Variants in EML1 observed in about 807,000 individuals in gnomAD.
EML1 encodes EMAP like 1, also known as echinoderm microtubule-associated protein-like 1.
Under a neutral mutation model 110.4 loss-of-function variants are expected in EML1, and 27 were observed. The ratio of observed to expected loss-of-function variants is 0.24; its 90% CI spans 0.18 to 0.34. The LOEUF (loss-of-function observed/expected upper bound fraction) is 0.34. Ranked by LOEUF, EML1 falls within the 10% of genes least tolerant of loss-of-function variation. The probability of loss-of-function intolerance (pLI) is 1.00; values close to 1 mark genes in which losing one functional copy is unlikely to be tolerated. For synonymous variants in EML1, 344 were observed against 385.8 expected, an observed-to-expected ratio of 0.89 and a Z score of 1.27; for missense variants, 741 against 1,030.9, an observed-to-expected ratio of 0.72 and a Z score of 3.85.
Position 99,784,873 on chromosome 14 carries a change from CA to C in EML1, c.-27+10862del, listed in dbSNP as rs1367391288. On this transcript the variant is annotated intron_variant, in intron 1 of 22. Coordinates refer to the EML1 transcript ENST00000327921. This position sits in a 1 kb window ranked among gnomAD's most constrained non-coding sequence, Gnocchi z 4.5. Reference sequence around the variant, plus strand: ...CACAGACTGAGTGGAAAGACATTTCCAACAGCAGGAATCTCACAACCAAAGC... The same window carrying C: ...CACAGACTGAGTGGAAAGACATTTCCACAGCAGGAATCTCACAACCAAAGC... Among the ~76,000 whole-genome samples, 1 of 152,192 alleles carries C rather than the reference CA, an allele frequency of 6.6e-6. No homozygotes were observed. Among genetic ancestry groups the C allele is most frequent in the African/African-American group, 2.4e-5 (1 of 41,436 alleles).
At chr14:99,816,503 G>T (rs2058170238) in intron 1 of EML1, among the ~76,000 whole-genome samples, 1 of 152,204 alleles carries the variant, frequency 6.6e-6, no homozygotes, top group Non-Finnish European at 1.5e-5. Flanking sequence ...CTGTCTGTAG[G>T]CAGATAGGCC....
At chr14:99,756,862 C>A (rs922519583) in intron 1 of EML1, among the ~76,000 whole-genome samples, 5 of 152,180 alleles carry the variant, frequency 3.3e-5, no homozygotes, top group Admixed American at 3.3e-4. Flanking sequence ...TTCCCAGCCT[C>A]ACACATCCGC....
intron 1 of EML1, among the ~76,000 whole-genome samples, chr14:99,794,801 G>C (rs2057740378): frequency 6.6e-6 from 1 of 152,136 alleles, no homozygotes. Context: ...CTGTGTTTTT[G>C]AGCCTCAGAA....
At chr14:99,755,940 A>C (rs1386420844) in intron 1 of EML1, among the ~76,000 whole-genome samples, 2 of 152,194 alleles carry the variant, frequency 1.3e-5, no homozygotes, top group East Asian at 3.9e-4. Context: ...CCCGAGGCTT[A>C]GATAAGCTCA....
chr14:99,850,169 G>A (rs571637248), intron 1 of EML1: 38 of 589,178 alleles, frequency 6.4e-5, no homozygotes, highest in South Asian at 1.4e-4. Context: ...AAACTCCTGC[G>A]CTCAAGCAGT....
chr14:99,915,545 C>CTGTGCG (rs1170180659), intron 15 of EML1: 173 of 152,066 alleles, frequency 1.1e-3, no homozygotes, highest in African/African-American at 4.0e-3. Context: ...ATGCCAAGCA[C>CTGTGCG]TGTGCGTGTA....
In EML1 at chr14:99,939,591, T is replaced by A. The variant is rs2060543484; in HGVS notation, c.2322+264T>A. On this transcript the variant is annotated intron_variant, in intron 21 of 21. Transcript: ENST00000262233. The surrounding 1 kb of genome is among the most constrained non-coding windows in gnomAD (Gnocchi z 4.2). ...GACCCCGCCCTCCCCCACGGCTCCC[T>A]TGCTCCGGCCCTGCTCAGCCGCGCC... 6.6e-6 allele frequency among the ~76,000 whole-genome samples: 1 copy of A among 152,110 alleles called. No homozygotes were observed. Among genetic ancestry groups the A allele is most frequent in the African/African-American group, 2.4e-5 (1 of 41,440 alleles).
intron 3 of EML1, among the ~76,000 whole-genome samples, chr14:99,876,515 C>T (rs2059294587): frequency 6.6e-6 from 1 of 152,196 alleles, no homozygotes; most frequent in Admixed American, 6.5e-5. Flanking sequence ...GGTAGCTTCT[C>T]AGCCCACGTC....
intron 6 of EML1, among the ~76,000 whole-genome samples, chr14:99,896,501 C>T (rs1157583495): frequency 1.3e-5 from 2 of 152,166 alleles, no homozygotes; most frequent in East Asian, 3.8e-4. Context: ...ATCTGGAAAA[C>T]ATTATTCAAA....
At chr14:99,886,759 T>C (rs542205645) in intron 4 of EML1, among the ~76,000 whole-genome samples, 1 of 152,218 alleles carries the variant, frequency 6.6e-6, no homozygotes, top group South Asian at 2.1e-4. Flanking sequence ...GGTTAGTTAA[T>C]GTAGATGAAA....
Position 99,939,409 on chromosome 14 carries a change from T to G in EML1, c.2322+82T>G. On this transcript the variant is annotated intron_variant, in intron 21 of 21. Transcript: ENST00000262233. The surrounding 1 kb of genome is among the most constrained non-coding windows in gnomAD (Gnocchi z 4.2). ...GACCTGTTTGGAGACTAAGTGGAAA[T>G]GGGCTGTGAGCGACTGCTGCCAGCC... 1 of 1,577,768 alleles carries G rather than the reference T, an allele frequency of 6.3e-7. No individual in the cohort carries two copies. The highest frequency in any genetic ancestry group is 8.6e-7 in the Non-Finnish European group (1 of 1,159,392).
At chr14:99,744,786 A>G (rs994571228) in intron 1 of EML1, among the ~76,000 whole-genome samples, 3 of 152,386 alleles carry the variant, frequency 2.0e-5, no homozygotes, top group African/African-American at 7.2e-5. Flanking sequence ...GGAAAAGCAT[A>G]ACCAAGAAAA....
At position 99,781,082 on chromosome 14, in the gene EML1, C is replaced by T. The variant is rs1048189789; in HGVS notation, c.-27+7069C>T. 6.6e-6 allele frequency among the ~76,000 whole-genome samples: 1 copy of T among 152,122 alleles called. No individual in the cohort carries two copies. Among genetic ancestry groups the T allele is most frequent in the Admixed American group, 6.5e-5 (1 of 15,276 alleles). On this transcript the variant is annotated intron_variant, in intron 1 of 22. Coordinates refer to the EML1 transcript ENST00000327921. The surrounding 1 kb of genome is among the most constrained non-coding windows in gnomAD (Gnocchi z 4.2). ...TCTCCTTCTTTCCAAGGACACGCGC[C>T]CCTGCCCCCAGAATACTGGTTGGGT...
chr14:99,886,031 C>A, intron 4 of EML1: 1 of 346,338 alleles, frequency 2.9e-6, no homozygotes, highest in Non-Finnish European at 5.6e-6. Context: ...AATAAAGTCT[C>A]CAGCAACTTC....
At chr14:99,911,353 T>A in intron 12 of EML1, 69 bp from the exon 13 acceptor site, 1 of 1,508,550 alleles carries the variant, frequency 6.6e-7, no homozygotes, top group Non-Finnish European at 8.8e-7. Flanking sequence ...CTAAGTCAGA[T>A]GAGATTAGAA....
intron 3 of EML1, among the ~76,000 whole-genome samples, chr14:99,871,466 T>C (rs889709020): frequency 4.6e-5 from 7 of 151,956 alleles, no homozygotes; most frequent in Non-Finnish European, 1.0e-4. Context: ...TGAGCCATGA[T>C]TGTGCTACTG....
chr14:99,900,204 T>C (rs2059739186), intron 8 of EML1, among the ~76,000 whole-genome samples: 2 of 92,780 alleles, frequency 2.2e-5, no homozygotes, highest in East Asian at 6.3e-4. Context: ...TTTTTTTTTT[T>C]TGAGACAGAG....
chr14:99,753,220 C>T (rs2057200462), intron 1 of EML1, among the ~76,000 whole-genome samples: 1 of 141,904 alleles, frequency 7.0e-6, no homozygotes, highest in Admixed American at 7.0e-5. Context: ...CCCCCACCCC[C>T]CACTGCCCCC....
In EML1 at chr14:99,940,281, C is replaced by A; in HGVS notation, c.*169C>A. 1.1e-6 allele frequency: 1 copy of A among 877,898 alleles called. No individual in the cohort carries two copies. The highest frequency in any genetic ancestry group is 1.6e-6 in the Non-Finnish European group (1 of 632,538). 54.4% of individuals were successfully genotyped at this position (877,898 alleles called of 1,614,324 possible). On this transcript the variant is annotated 3_prime_UTR_variant, in exon 22 of 22. Coordinates refer to ENST00000262233, the MANE Select transcript of EML1 (RefSeq NM_004434.3). ...CGTGTCAGCGGGCGCCACAGCGGAT[C>A]AGCGGTTCCGTGTTCACTTTTGTTG... is the stretch of plus-strand genomic sequence containing the variant.
Sources: gnomAD v4.1 joint callset for allele counts (sites outside exome capture counted in the v4.1 genomes callset) on GRCh38, gnomAD v4.1.1 for gene constraint, Gnocchi (gnomAD v3.1) non-coding constraint, MANE v1.5 for transcripts, NCBI Gene and HGNC (gene_info 2026-07-23, HGNC 2026-07-21) for gene names.